The following MAPK10 variants were observed in gnomAD, a reference collection of about 807,000 sequenced individuals.
MAPK10 encodes JNK3 alpha protein kinase.
MAPK10 carries 25 observed loss-of-function variants against 59.3 expected under a neutral mutation model. The ratio of observed to expected loss-of-function variants is 0.42; its 90% CI spans 0.31 to 0.59. MAPK10 has a LOEUF of 0.59. Ranked by LOEUF, MAPK10 falls within the 20% of genes least tolerant of loss-of-function variation. The pLI is 0.15. For synonymous variants in MAPK10, 190 were observed against 200.5 expected (o/e 0.95, Z 0.44); for missense variants, 351 against 568.9 (o/e 0.62, Z 3.90).
intron 1 of MAPK10, among the ~76,000 whole-genome samples, chr4:86,386,455 A>G (rs1741485278): frequency 6.6e-6 from 1 of 152,140 alleles, no homozygotes; most frequent in South Asian, 2.1e-4. Flanking sequence ...TGCAGGGACC[A>G]CATGGGTAGG....
chr4:86,361,305 A>G (rs1218787058), upstream of MAPK10, among the ~76,000 whole-genome samples: 4 of 152,202 alleles, frequency 2.6e-5, no homozygotes, highest in Admixed American at 6.5e-5. Context: ...AGTTCATTGG[A>G]TAAGTGTTTG....
At chr4:86,077,486 T>A (rs1268895712) in intron 9 of MAPK10, among the ~76,000 whole-genome samples, 1 of 152,216 alleles carries the variant, frequency 6.6e-6, no homozygotes, top group Non-Finnish European at 1.5e-5. Context: ...CATCCATATT[T>A]AAGCCTTCAG....
At chr4:86,277,033 G>A (rs2094601608) in intron 2 of MAPK10, 1 of 152,084 alleles carries the variant, frequency 6.6e-6, no homozygotes, top group African/African-American at 2.4e-5. Flanking sequence ...TTCCCTGTGT[G>A]AAGAGTGTCC....
At chr4:86,422,588 C>A (rs1223138290) in intron 1 of MAPK10, among the ~76,000 whole-genome samples, 1 of 152,192 alleles carries the variant, frequency 6.6e-6, no homozygotes, top group Non-Finnish European at 1.5e-5. Context: ...GAATAACCCA[C>A]AATTTTAATC....
intron 2 of MAPK10, among the ~76,000 whole-genome samples, chr4:86,256,740 T>C (rs1321886200): frequency 4.5e-5 from 6 of 134,160 alleles, no homozygotes; most frequent in African/African-American, 1.1e-4. Flanking sequence ...CTTTCTTTTT[T>C]TTTTTTTTTT....
At chr4:86,082,622 A>T (rs1413677204) in intron 9 of MAPK10, among the ~76,000 whole-genome samples, 1 of 152,208 alleles carries the variant, frequency 6.6e-6, no homozygotes, top group African/African-American at 2.4e-5. Flanking sequence ...AAATGGCTGA[A>T]GGCAGCCAAA....
In MAPK10 at chr4:86,018,260, T is replaced by C. The variant is rs151182245; in HGVS notation, c.1253-890A>G. Among the ~76,000 whole-genome samples the C allele has an allele frequency of 4.6e-5, 7 of 151,640 alleles. No individual in the cohort carries two copies. In the East Asian group the frequency reaches 1.4e-3, roughly 29 times the overall value. ...GACCACATCTCTAGAGAAAGGAAGA[T>C]ATATAAATACTATTATGTCATCATT... is the stretch of plus-strand genomic sequence containing the variant. On this transcript the variant is annotated intron_variant, in intron 13 of 13. Transcript: ENST00000641462.
At chr4:86,395,194 C>T (rs147028905) in intron 1 of MAPK10, among the ~76,000 whole-genome samples, 2 of 151,844 alleles carry the variant, frequency 1.3e-5, no homozygotes, top group Admixed American at 1.3e-4. Flanking sequence ...ATAATCATAC[C>T]AAAAAAGAAG....
chr4:86,561,968 T>G (rs2149104669), intron 1 of MAPK10, among the ~76,000 whole-genome samples: 1 of 152,346 alleles, frequency 6.6e-6, no homozygotes, highest in Middle Eastern at 3.4e-3. Context: ...CTGAAAGGCT[T>G]TCCCATCTCT....
chr4:86,431,801 G>T (rs140769142), intron 1 of MAPK10, among the ~76,000 whole-genome samples: 13 of 152,108 alleles, frequency 8.5e-5, no homozygotes, highest in Admixed American at 3.9e-4. Flanking sequence ...ATGTGCATTC[G>T]CATTGAGCTT....
intron 9 of MAPK10, among the ~76,000 whole-genome samples, chr4:86,093,386 A>G (rs2053609304): frequency 2.0e-5 from 3 of 151,820 alleles, no homozygotes; most frequent in Non-Finnish European, 2.9e-5. Flanking sequence ...GATTTAATAT[A>G]GTTTTCTAAA....
chr4:86,550,468 G>A (rs535351857), intron 1 of MAPK10, among the ~76,000 whole-genome samples: 1 of 150,630 alleles, frequency 6.6e-6, no homozygotes, highest in African/African-American at 2.5e-5. Flanking sequence ...TGGGGCTGAG[G>A]AAGGCAGATC....
At chr4:86,078,221 A>C (rs952623235) in intron 9 of MAPK10, among the ~76,000 whole-genome samples, 12 of 152,236 alleles carry the variant, frequency 7.9e-5, no homozygotes, top group African/African-American at 2.9e-4. Flanking sequence ...AGAGTAAAAT[A>C]CTAACATGTT....
chr4:86,475,784 C>T (rs1288938851), intron 1 of MAPK10, among the ~76,000 whole-genome samples: 2 of 151,962 alleles, frequency 1.3e-5, no homozygotes, highest in Non-Finnish European at 2.9e-5. Flanking sequence ...CCCTTCTCTC[C>T]ATGTCTCTAC....
At chr4:86,187,825 T>C (rs912714412) in intron 3 of MAPK10, among the ~76,000 whole-genome samples, 7 of 152,180 alleles carry the variant, frequency 4.6e-5, no homozygotes, top group Admixed American at 3.9e-4. Flanking sequence ...ACATGAAGGT[T>C]TGTTACATAG....
intron 11 of MAPK10, among the ~76,000 whole-genome samples, chr4:86,046,365 G>A (rs2148950752): frequency 6.6e-6 from 1 of 151,748 alleles, no homozygotes; most frequent in South Asian, 2.1e-4. Context: ...GTGAGAGAGG[G>A]CATCCTTGTC....
intron 2 of MAPK10, among the ~76,000 whole-genome samples, chr4:86,305,760 A>C (rs1398100724): frequency 6.6e-6 from 1 of 150,698 alleles, no homozygotes; most frequent in African/African-American, 2.4e-5. Context: ...CGGAGGTGTC[A>C]GTGAGCCGAG....
At chr4:86,040,442 T>A (rs1203894207) in intron 11 of MAPK10, among the ~76,000 whole-genome samples, 1 of 152,046 alleles carries the variant, frequency 6.6e-6, no homozygotes, top group African/African-American at 2.4e-5. Context: ...TAAAAATATA[T>A]GGTCAGAAGA....
At chr4:86,395,358 G>A (rs1052791706) in intron 1 of MAPK10, among the ~76,000 whole-genome samples, 4 of 152,102 alleles carry the variant, frequency 2.6e-5, no homozygotes, top group Non-Finnish European at 1.5e-5. Flanking sequence ...CTATTTTTTA[G>A]CTAGCCATTT....
Sources: allele counts gnomAD v4.1 joint callset (sites outside exome capture counted in the v4.1 genomes callset), GRCh38; gene constraint gnomAD v4.1.1; transcripts MANE v1.5; gene names NCBI Gene and HGNC (gene_info 2026-07-23, HGNC 2026-07-21).